CORO2B: variants seen among roughly 807,000 people sequenced by gnomAD.
CORO2B encodes coronin-2B.
CORO2B carries 26 observed loss-of-function variants against 58.8 expected under a neutral mutation model. The observed-to-expected ratio is 0.44, with a 90% CI of 0.32 to 0.61. CORO2B has a LOEUF of 0.61. Among genes scored for constraint, CORO2B ranks in the 20% least tolerant of loss-of-function variants. The pLI is 0.04. For missense variants in CORO2B, 460 were observed against 645.1 expected (o/e 0.71, Z 3.11); for synonymous variants, 242 against 253.8 (o/e 0.95, Z 0.44).
At chr15:68,572,935 C>T in the CORO2B span, among the ~76,000 whole-genome samples, 39 of 152,256 alleles carry the variant, frequency 2.6e-4, 1 homozygote, top group African/African-American at 8.4e-4. Flanking sequence ...CCCAGGTCTG[C>T]GGCTCCTTCT....
chr15:68,714,410 G>A (rs1892985228), intron 6 of CORO2B, 149 bp from the exon 7 acceptor site: 2 of 663,548 alleles, frequency 3.0e-6, no homozygotes, highest in African/African-American at 1.8e-5. Context: ...AAGAAAGTCA[G>A]TCTTGCCACC....
intron 3 of CORO2B, among the ~76,000 whole-genome samples, chr15:68,701,503 T>TTTTTG: frequency 8.6e-6 from 1 of 116,728 alleles, no homozygotes; most frequent in Non-Finnish European, 1.7e-5. Context: ...TTTTTTTTTT[T>TTTTTG]GAGACGGAGT....
chr15:68,545,220 G>C, the CORO2B span, among the ~76,000 whole-genome samples: 2 of 152,210 alleles, frequency 1.3e-5, no homozygotes, highest in African/African-American at 4.8e-5. Context: ...AGAAAACCTT[G>C]CCATGGAGTC....
chr15:68,559,677 T>C, the CORO2B span: 7 of 979,678 alleles, frequency 7.1e-6, no homozygotes, highest in Non-Finnish European at 7.3e-6. The surrounding 1 kb of genome is among the most constrained non-coding windows in gnomAD (Gnocchi z 4.3). Flanking sequence ...CGTTTCCGGT[T>C]TTCCGGTTGG....
chr15:68,657,681 A>G (rs1364243628), intron 2 of CORO2B, among the ~76,000 whole-genome samples: 1 of 152,248 alleles, frequency 6.6e-6, no homozygotes, highest in African/African-American at 2.4e-5. Context: ...TTGAGTTAAT[A>G]GTAGCAGAAG....
chr15:68,719,552 G>A lies in CORO2B; in HGVS notation c.1311G>A (p.Glu437=). The A allele has an allele frequency of 1.2e-6, 2 of 1,611,948 alleles. No individual in the cohort carries two copies. The change falls in exon 11 of 12, where the codon GAG becomes GAA. Residue 437 remains glutamate (E), a splice_region_variant and synonymous_variant. Transcript: ENST00000261861. ...ATGTCCCACCCAGGACAGAGAATGA[G>A]GTAAGGAATGTAAGTTATTACCTCC... ...LENVPPRTEN[E]LLRMFFRQQD...
chr15:68,724,231 ATAAAAC>A (rs1893238149), intron 11 of CORO2B, among the ~76,000 whole-genome samples: 1 of 152,152 alleles, frequency 6.6e-6, no homozygotes, highest in Non-Finnish European at 1.5e-5. Context: ...AATAATAAAA[ATAAAAC>A]ATATACATTC....
chr15:68,654,545 A>C (rs1410990014), intron 2 of CORO2B, among the ~76,000 whole-genome samples: 1 of 152,208 alleles, frequency 6.6e-6, no homozygotes, highest in Non-Finnish European at 1.5e-5. Flanking sequence ...TTTTCCTTCT[A>C]GGGCCTGGAG....
At chr15:68,549,953 A>AATTAAATAAAT in the CORO2B span, among the ~76,000 whole-genome samples, 117 of 144,572 alleles carry the variant, frequency 8.1e-4, no homozygotes, top group African/African-American at 2.9e-3. Flanking sequence ...AAAATAAAAT[A>AATTAAATAAAT]AAATAAATAA....
rs138467925 is a variant in CORO2B, at chr15:68,641,768, A to G, written c.16-3392A>G. Among the ~76,000 whole-genome samples the G allele has an allele frequency of 3.7e-3, 569 of 152,272 alleles. 4 individuals carry two copies. The highest frequency in any genetic ancestry group is 0.013 in the African/African-American group (553 of 41,560). ...GAGACAGAGTTCGGCACTGTCGCCC[A>G]GGTGGTAGTGCAGTGGTGCGACTCA... is the stretch of plus-strand genomic sequence containing the variant. On this transcript the variant is annotated intron_variant, in intron 1 of 11. Transcript: ENST00000261861.
intron 3 of CORO2B, among the ~76,000 whole-genome samples, chr15:68,698,665 C>G (rs1213609095): frequency 6.6e-6 from 1 of 152,170 alleles, no homozygotes; most frequent in East Asian, 1.9e-4. Flanking sequence ...TCACCATTTA[C>G]CATCTGGGTG....
At chr15:68,629,444 G>T (rs1043483916) in intron 1 of CORO2B, among the ~76,000 whole-genome samples, 1 of 152,220 alleles carries the variant, frequency 6.6e-6, no homozygotes, top group East Asian at 1.9e-4. Context: ...TGGTCCTGAC[G>T]CAGTGGAAGA....
intron 2 of CORO2B, among the ~76,000 whole-genome samples, chr15:68,650,225 G>A (rs1901587660): frequency 6.6e-6 from 1 of 151,880 alleles, no homozygotes; most frequent in Non-Finnish European, 1.5e-5. Context: ...AAAATTAGCG[G>A]GGCATGATGG....
intron 2 of CORO2B, among the ~76,000 whole-genome samples, chr15:68,652,806 C>T (rs192722280): frequency 6.2e-4 from 94 of 152,314 alleles, no homozygotes; most frequent in Admixed American, 3.3e-3. Flanking sequence ...TAAGACTGCA[C>T]GGCCCACAAG....
the CORO2B span, among the ~76,000 whole-genome samples, chr15:68,556,844 C>T: frequency 1.3e-5 from 2 of 152,174 alleles, no homozygotes; most frequent in Non-Finnish European, 2.9e-5. Context: ...CTGGCCACCT[C>T]CTAGAGTTCT....
the CORO2B span, among the ~76,000 whole-genome samples, chr15:68,572,591 C>T: frequency 1.3e-5 from 2 of 152,142 alleles, no homozygotes; most frequent in South Asian, 2.1e-4. Flanking sequence ...GTCAGAATAC[C>T]TCCTTGCTGC....
At chr15:68,579,622 G>A (rs1899374991) in intron 1 of CORO2B, among the ~76,000 whole-genome samples, 1 of 152,170 alleles carries the variant, frequency 6.6e-6, no homozygotes, top group Non-Finnish European at 1.5e-5. Context: ...GGGAGTGCGC[G>A]GCGGGAAGCG....
At chr15:68,601,302 G>A (rs1197545073) in intron 1 of CORO2B, among the ~76,000 whole-genome samples, 3 of 152,212 alleles carry the variant, frequency 2.0e-5, no homozygotes, top group Admixed American at 6.5e-5. Flanking sequence ...GGCGGCAGGC[G>A]GGGACAGGAT....
chr15:68,620,992 G>C (rs1325743062), intron 1 of CORO2B, among the ~76,000 whole-genome samples: 1 of 152,214 alleles, frequency 6.6e-6, no homozygotes. Context: ...CTCCGCTTCC[G>C]GGAAGCTATT....
Sources: gnomAD v4.1 joint callset for allele counts (sites outside exome capture counted in the v4.1 genomes callset) on GRCh38, gnomAD v4.1.1 for gene constraint, Gnocchi (gnomAD v3.1) non-coding constraint, MANE v1.5 for transcripts, NCBI Gene and HGNC (gene_info 2026-07-23, HGNC 2026-07-21) for gene names.